Variants in ATP2B2 observed in about 807,000 individuals in gnomAD.
ATP2B2 encodes plasma membrane calcium-transporting ATPase 2.
ATP2B2 carries 15 observed loss-of-function variants against 120.0 expected under a neutral mutation model. The observed-to-expected ratio is 0.12, with a 90% CI of 0.08 to 0.19. ATP2B2 has a LOEUF of 0.19. ATP2B2 is among the 10% of genes least tolerant of loss of function. The pLI is 1.00. For missense variants in ATP2B2, 1,045 were observed against 1,719.8 expected (o/e 0.61, Z 6.94); for synonymous variants, 694 against 700.3 (o/e 0.99, Z 0.14).
chr3:10,472,700 T>A (rs1329876848), intron 1 of ATP2B2, among the ~76,000 whole-genome samples: 1 of 152,180 alleles, frequency 6.6e-6, no homozygotes, highest in Admixed American at 6.5e-5. Context: ...TTCTGTACAG[T>A]GGATCCTGGG....
At chr3:10,536,936 T>A (rs531575138) in intron 2 of ATP2B2, among the ~76,000 whole-genome samples, 1 of 152,372 alleles carries the variant, frequency 6.6e-6, no homozygotes, top group East Asian at 1.9e-4. Flanking sequence ...GAAGTTATTA[T>A]CATTTTCATT....
chr3:10,611,444 C>T (rs987465934), intron 2 of ATP2B2, among the ~76,000 whole-genome samples: 1 of 152,128 alleles, frequency 6.6e-6, no homozygotes, highest in African/African-American at 2.4e-5. Flanking sequence ...CACTCCTCTC[C>T]CCTTGAGCTC....
intron 1 of ATP2B2, among the ~76,000 whole-genome samples, chr3:10,488,977 A>T (rs1439150904): frequency 1.3e-5 from 2 of 152,018 alleles, no homozygotes; most frequent in Non-Finnish European, 2.9e-5. Flanking sequence ...CCTGGCCCCC[A>T]ACTTGTCAGC....
intron 1 of ATP2B2, among the ~76,000 whole-genome samples, chr3:10,480,460 C>A (rs532984188): frequency 6.6e-6 from 1 of 152,308 alleles, no homozygotes; most frequent in East Asian, 1.9e-4. Context: ...GGCAGGGACA[C>A]ATCCCCAGAA....
intron 2 of ATP2B2, among the ~76,000 whole-genome samples, chr3:10,442,274 C>T (rs39667): frequency 0.83 from 126,000 of 151,994 alleles, 52,434 homozygotes; most frequent in Non-Finnish European, 0.85. Context: ...TGCCTGATTA[C>T]GGGAAGCACC....
intron 2 of ATP2B2, among the ~76,000 whole-genome samples, chr3:10,417,558 C>G (rs949541842): frequency 6.6e-6 from 1 of 152,200 alleles, no homozygotes; most frequent in African/African-American, 2.4e-5. Context: ...GTTCCCCCAC[C>G]CTTCTCAGGC....
intron 12 of ATP2B2, among the ~76,000 whole-genome samples, chr3:10,370,783 CA>C: frequency 2.0e-5 from 3 of 152,188 alleles, no homozygotes; most frequent in Admixed American, 2.0e-4. Context: ...GGAGGGTAAA[CA>C]AAAAAGCTTA....
At chr3:10,443,515 C>T (rs2063736467) in intron 2 of ATP2B2, among the ~76,000 whole-genome samples, 1 of 152,102 alleles carries the variant, frequency 6.6e-6, no homozygotes. Context: ...GGCCTGGCTG[C>T]CGCATTGACC....
At chr3:10,512,062 T>C (rs1395349357) in intron 3 of ATP2B2, among the ~76,000 whole-genome samples, 1 of 152,156 alleles carries the variant, frequency 6.6e-6, no homozygotes. Context: ...AATTTGATGT[T>C]ATCAGTCTTC....
chr3:10,385,371 A>T, intron 7 of ATP2B2, 44 bp from the exon 8 acceptor site: 1 of 1,569,628 alleles, frequency 6.4e-7, no homozygotes, highest in Non-Finnish European at 8.8e-7. Context: ...GTCACAATGG[A>T]GAAAAGCAAC....
At chr3:10,642,512 T>C (rs1434922151) in intron 1 of ATP2B2, among the ~76,000 whole-genome samples, 1 of 152,054 alleles carries the variant, frequency 6.6e-6, no homozygotes, top group East Asian at 1.9e-4. Context: ...AACAAAAAAG[T>C]CACTGTGTAC....
At chr3:10,488,101 C>T (rs1268767923) in intron 1 of ATP2B2, among the ~76,000 whole-genome samples, 1 of 151,800 alleles carries the variant, frequency 6.6e-6, no homozygotes. Flanking sequence ...ATCCATCCAG[C>T]CATCCATCCA....
At chr3:10,512,471 C>G (rs1043079807) in intron 3 of ATP2B2, among the ~76,000 whole-genome samples, 106 of 53,280 alleles carry the variant, frequency 2.0e-3, no homozygotes, top group Middle Eastern at 7.6e-3. Flanking sequence ...TGCGCACACA[C>G]ACACACACAC....
intron 1 of ATP2B2, among the ~76,000 whole-genome samples, chr3:10,627,712 C>T (rs746230047): frequency 6.6e-6 from 1 of 152,204 alleles, no homozygotes. Context: ...TCTCCACTTA[C>T]TAAATGTTTA....
intron 1 of ATP2B2, among the ~76,000 whole-genome samples, chr3:10,481,539 C>T (rs2065413968): frequency 6.6e-6 from 1 of 152,096 alleles, no homozygotes; most frequent in African/African-American, 2.4e-5. Flanking sequence ...CTGCTATATT[C>T]TATTTTATTT....
intron 14 of ATP2B2, among the ~76,000 whole-genome samples, chr3:10,351,309 G>A (rs750260322): frequency 5.3e-4 from 81 of 152,274 alleles, no homozygotes; most frequent in Middle Eastern, 3.4e-3. Flanking sequence ...AAACCAGCCT[G>A]GAGCTGGGGC....
intron 22 of ATP2B2, among the ~76,000 whole-genome samples, chr3:10,334,028 G>A (rs1223089328): frequency 1.3e-5 from 2 of 152,254 alleles, no homozygotes; most frequent in African/African-American, 4.8e-5. Context: ...CCTATTGAAT[G>A]GCTTTGCAAA....
intron 2 of ATP2B2, among the ~76,000 whole-genome samples, chr3:10,443,258 C>T (rs902781201): frequency 6.6e-6 from 1 of 152,174 alleles, no homozygotes. Flanking sequence ...CTCCCCAGCA[C>T]ACAGTACAGA....
At chr3:10,390,999 A>T (rs998641918) in intron 5 of ATP2B2, among the ~76,000 whole-genome samples, 38 of 152,162 alleles carry the variant, frequency 2.5e-4, no homozygotes. Flanking sequence ...TATCAGCATT[A>T]GACAGATAAG....
Sources: allele counts gnomAD v4.1 joint callset (sites outside exome capture counted in the v4.1 genomes callset), GRCh38; gene constraint gnomAD v4.1.1; transcripts MANE v1.5; gene names NCBI Gene and HGNC (gene_info 2026-07-23, HGNC 2026-07-21).